FGF12: variants seen among roughly 807,000 people sequenced by gnomAD.
FGF12 encodes fibroblast growth factor 12B.
In FGF12, 14 loss-of-function variants were observed where a neutral mutation model predicts 23.6. That is an observed-to-expected ratio of 0.59 (90% CI 0.39 to 0.93). The LOEUF (loss-of-function observed/expected upper bound fraction) is 0.93. Ranked by LOEUF, FGF12 falls within the 40% of genes least tolerant of loss-of-function variation. The probability of loss-of-function intolerance (pLI) is 0.00; values close to 1 mark genes in which losing one functional copy is unlikely to be tolerated. For missense variants in FGF12, 175 were observed against 217.8 expected (o/e 0.80, Z 1.24); for synonymous variants, 62 against 77.3 (o/e 0.80, Z 1.04).
At chr3:192,556,560 G>A (rs905896082) in intron 2 of FGF12, among the ~76,000 whole-genome samples, 1 of 152,088 alleles carries the variant, frequency 6.6e-6, no homozygotes. Flanking sequence ...ATGGACAGTA[G>A]TACAATGATA....
chr3:192,419,441 G>A (rs1258266793), intron 2 of FGF12, among the ~76,000 whole-genome samples: 1 of 152,148 alleles, frequency 6.6e-6, no homozygotes, highest in East Asian at 1.9e-4. Flanking sequence ...TATCCTGTGT[G>A]TGTAGAGGCA....
At chr3:192,315,759 ACTGATTTCCTACAGCAAGG>A (rs2108677271) in intron 4 of FGF12, among the ~76,000 whole-genome samples, 1 of 149,924 alleles carries the variant, frequency 6.7e-6, no homozygotes, top group East Asian at 1.9e-4. Context: ...ATCAGGGTGA[ACTGATTTCCTACAGCAAGG>A]CCATAAGCTA....
At chr3:192,682,229 G>T (rs959841721) in intron 2 of FGF12, among the ~76,000 whole-genome samples, 1 of 152,146 alleles carries the variant, frequency 6.6e-6, no homozygotes, top group Non-Finnish European at 1.5e-5. Context: ...AAGGTAAACA[G>T]CAGACACCCA....
At chr3:192,412,317 C>T (rs150493226) in intron 2 of FGF12, among the ~76,000 whole-genome samples, 207 of 152,150 alleles carry the variant, frequency 1.4e-3, no homozygotes, top group Middle Eastern at 6.8e-3. Flanking sequence ...CAGAAGGTAA[C>T]GAATACAGAG....
chr3:192,397,994 TA>T (rs1213846735), intron 2 of FGF12, among the ~76,000 whole-genome samples: 1 of 152,222 alleles, frequency 6.6e-6, no homozygotes, highest in Non-Finnish European at 1.5e-5. Context: ...ATCTTTATAA[TA>T]ACTTATACAA....
intron 2 of FGF12, among the ~76,000 whole-genome samples, chr3:192,633,216 T>G (rs1389227745): frequency 6.6e-6 from 1 of 152,078 alleles, no homozygotes; most frequent in Non-Finnish European, 1.5e-5. Context: ...CAGCTAGTTT[T>G]TGTATTTTTA....
intron 2 of FGF12, among the ~76,000 whole-genome samples, chr3:192,444,495 AAGATAATGTGACCTTCAGCATT>A (rs1394784975): frequency 2.0e-5 from 3 of 152,158 alleles, no homozygotes; most frequent in African/African-American, 7.2e-5. Flanking sequence ...CTTCTGGAAC[AAGATAATGTGACCTTCAGCATT>A]AGACAAGACT....
chr3:192,510,158 T>A (rs1221485808), intron 2 of FGF12, among the ~76,000 whole-genome samples: 1 of 152,110 alleles, frequency 6.6e-6, no homozygotes, highest in Non-Finnish European at 1.5e-5. Flanking sequence ...TCACATTTCA[T>A]TTGTCTGAGC....
At chr3:192,166,527 G>C (rs1715170607) in intron 5 of FGF12, among the ~76,000 whole-genome samples, 1 of 152,212 alleles carries the variant, frequency 6.6e-6, no homozygotes, top group East Asian at 1.9e-4. Context: ...GATTGTTCAA[G>C]TCAGAATGCT....
At chr3:192,544,433 G>A (rs1725445820) in intron 2 of FGF12, among the ~76,000 whole-genome samples, 1 of 152,172 alleles carries the variant, frequency 6.6e-6, no homozygotes. Context: ...AGGACAATCA[G>A]TGAAGGCTTC....
At chr3:192,622,398 G>C (rs780068369) in intron 2 of FGF12, among the ~76,000 whole-genome samples, 45 of 152,110 alleles carry the variant, frequency 3.0e-4, no homozygotes, top group Non-Finnish European at 5.3e-4. Context: ...CCTTGGATCA[G>C]ATATTTCCAA....
chr3:192,549,769 G>A (rs761811349), intron 2 of FGF12, among the ~76,000 whole-genome samples: 1 of 152,142 alleles, frequency 6.6e-6, no homozygotes, highest in Non-Finnish European at 1.5e-5. Flanking sequence ...GCTATGAGCT[G>A]GGACATTGGT....
intron 4 of FGF12, among the ~76,000 whole-genome samples, chr3:192,308,090 T>C (rs1345720414): frequency 6.6e-6 from 1 of 152,184 alleles, no homozygotes; most frequent in Non-Finnish European, 1.5e-5. Flanking sequence ...ATATTTTAAA[T>C]TATAATACTA....
chr3:192,498,708 G>A (rs1177748273), intron 2 of FGF12, among the ~76,000 whole-genome samples: 2 of 152,006 alleles, frequency 1.3e-5, no homozygotes, highest in Non-Finnish European at 2.9e-5. Flanking sequence ...AGTGACACAA[G>A]CCTTTAATAA....
intron 2 of FGF12, among the ~76,000 whole-genome samples, chr3:192,563,431 C>T (rs1712134820): frequency 6.6e-6 from 1 of 152,182 alleles, no homozygotes; most frequent in African/African-American, 2.4e-5. Flanking sequence ...CAATCCCATC[C>T]TCCTCCTAGT....
chr3:192,646,776 G>A (rs548752049), intron 2 of FGF12, among the ~76,000 whole-genome samples: 5 of 152,220 alleles, frequency 3.3e-5, no homozygotes, highest in Middle Eastern at 6.8e-3. Context: ...AAGTGTTCTG[G>A]AATTTGATAA....
intron 2 of FGF12, among the ~76,000 whole-genome samples, chr3:192,686,670 A>G (rs1717744970): frequency 6.6e-6 from 1 of 152,144 alleles, no homozygotes; most frequent in Admixed American, 6.5e-5. Flanking sequence ...GACTATACTC[A>G]GCAAGGAGAT....
At chr3:192,209,974 G>T (rs749267170) in intron 4 of FGF12, among the ~76,000 whole-genome samples, 2 of 152,220 alleles carry the variant, frequency 1.3e-5, no homozygotes, top group East Asian at 3.9e-4. Context: ...AAAAAAAATA[G>T]CTTTCATAGT....
intron 2 of FGF12, among the ~76,000 whole-genome samples, chr3:192,661,442 C>T (rs1264308019): frequency 6.6e-6 from 1 of 152,104 alleles, no homozygotes; most frequent in African/African-American, 2.4e-5. Context: ...AGGAGAATTG[C>T]TTGAACTGGG....
Sources: gnomAD v4.1 joint callset for allele counts (sites outside exome capture counted in the v4.1 genomes callset) on GRCh38, gnomAD v4.1.1 for gene constraint, MANE v1.5 for transcripts, NCBI Gene and HGNC (gene_info 2026-07-23, HGNC 2026-07-21) for gene names.